Variants in HACE1 observed in about 807,000 individuals in gnomAD.
The protein encoded by HACE1 is E3 ubiquitin-protein ligase HACE1.
In HACE1, 73 loss-of-function variants were observed where a neutral mutation model predicts 118.4. The ratio of observed to expected loss-of-function variants is 0.62; its 90% confidence interval spans 0.51 to 0.75. The LOEUF (loss-of-function observed/expected upper bound fraction) is 0.75. Among genes scored for constraint, HACE1 ranks in the 30% least tolerant of loss-of-function variants. HACE1 has a pLI of 0.00. For missense variants in HACE1, 749 were observed against 1,102.2 expected, an observed-to-expected ratio of 0.68 and a Z score of 4.54; for synonymous variants, 368 against 374.8, an observed-to-expected ratio of 0.98 and a Z score of 0.21.
intron 7 of HACE1, among the ~76,000 whole-genome samples, chr6:104,797,232 T>G (rs899866573): frequency 6.6e-6 from 1 of 152,132 alleles, no homozygotes; most frequent in African/African-American, 2.4e-5. Context: ...CTATTAAATT[T>G]TAGAACTGAA....
At chr6:104,817,549 C>T (rs930972664) in intron 6 of HACE1, among the ~76,000 whole-genome samples, 3 of 152,120 alleles carry the variant, frequency 2.0e-5, no homozygotes, top group African/African-American at 7.2e-5. Context: ...TCATAAATTA[C>T]CCAGCCTCAG....
At chr6:104,826,316 G>A (rs564662219) in intron 6 of HACE1, among the ~76,000 whole-genome samples, 7 of 152,236 alleles carry the variant, frequency 4.6e-5, no homozygotes, top group African/African-American at 1.7e-4. Context: ...AAAAAAACCT[G>A]CCTTCAAGAA....
chr6:104,737,501 C>G (rs967223423), intron 22 of HACE1, among the ~76,000 whole-genome samples: 3 of 152,092 alleles, frequency 2.0e-5, no homozygotes, highest in Non-Finnish European at 4.4e-5. Flanking sequence ...CAGGGCGAGG[C>G]ATTGCCTCAC....
intron 5 of HACE1, among the ~76,000 whole-genome samples, chr6:104,840,546 A>T (rs1359020789): frequency 6.6e-6 from 1 of 152,162 alleles, no homozygotes; most frequent in Non-Finnish European, 1.5e-5. Context: ...TAGCTGAGAG[A>T]GGCCCGTCGC....
intron 1 of HACE1, among the ~76,000 whole-genome samples, chr6:104,856,653 TCA>T (rs1021602073): frequency 1.3e-5 from 2 of 152,148 alleles, no homozygotes; most frequent in Admixed American, 1.3e-4. Context: ...CCAGCTGGTC[TCA>T]CACTCCTGAC....
chr6:104,852,419 G>A, intron 1 of HACE1, 48 bp from the exon 2 acceptor site: 1 of 1,107,304 alleles, frequency 9.0e-7, no homozygotes, highest in Non-Finnish European at 1.4e-6. Flanking sequence ...CTTTGTGCAA[G>A]GGGTGATACT....
At chr6:104,801,414 G>A (rs1770335892) in intron 7 of HACE1, among the ~76,000 whole-genome samples, 1 of 152,094 alleles carries the variant, frequency 6.6e-6, no homozygotes, top group Non-Finnish European at 1.5e-5. Flanking sequence ...ACACATAACT[G>A]TCAGATTTAT....
chr6:104,756,411 CAAAA>C (rs149270056), intron 19 of HACE1, among the ~76,000 whole-genome samples: 62 of 103,438 alleles, frequency 6.0e-4, no homozygotes, highest in African/African-American at 2.2e-3. Flanking sequence ...GATTCCATCT[CAAAA>C]AAAAAAAAAA....
intron 6 of HACE1, among the ~76,000 whole-genome samples, chr6:104,816,682 T>C (rs1772150774): frequency 6.6e-6 from 1 of 152,150 alleles, no homozygotes; most frequent in African/African-American, 2.4e-5. Context: ...CTAGTAGAGC[T>C]GTGAGAAGAG....
intron 20 of HACE1, among the ~76,000 whole-genome samples, chr6:104,748,238 T>C (rs1257825229): frequency 8.1e-6 from 1 of 123,298 alleles, no homozygotes; most frequent in Non-Finnish European, 1.6e-5. Context: ...GTCCTACAAA[T>C]CAGTAAAAAG....
At position 104,767,227 on chromosome 6, in the gene HACE1, T is replaced by C. The variant is rs191349569; in HGVS notation, c.2211+3966A>G. On this transcript the variant is annotated intron_variant, in intron 19 of 23. Coordinates refer to ENST00000262903, the MANE Select transcript of HACE1 (RefSeq NM_020771.4). Reference sequence around the variant, plus strand: ...AAAACAGAATTAATGATAATGAGGTTGATGAAGAGTATGATGGCAACACTA... The same window carrying C: ...AAAACAGAATTAATGATAATGAGGTCGATGAAGAGTATGATGGCAACACTA... Among the ~76,000 whole-genome samples the C allele has an allele frequency of 7.9e-5, 12 of 152,328 alleles. No homozygotes were observed. The East Asian group carries it at 1.7e-3, about 22-fold the overall frequency.
intron 6 of HACE1, among the ~76,000 whole-genome samples, chr6:104,831,992 A>G (rs375527845): frequency 4.3e-3 from 467 of 109,694 alleles, no homozygotes; most frequent in East Asian, 0.014. Flanking sequence ...GGAAGGAAGG[A>G]AGGAAGGAAG....
intron 1 of HACE1, among the ~76,000 whole-genome samples, chr6:104,854,325 G>A (rs1776520906): frequency 6.6e-6 from 1 of 152,132 alleles, no homozygotes; most frequent in Non-Finnish European, 1.5e-5. Context: ...GAAAGCTGGT[G>A]AAATTTTAAC....
chr6:104,755,008 C>T (rs919327017), intron 19 of HACE1, among the ~76,000 whole-genome samples: 1 of 152,022 alleles, frequency 6.6e-6, no homozygotes, highest in Non-Finnish European at 1.5e-5. Context: ...GGATGAAGAG[C>T]CAAGACCCAT....
chr6:104,858,459 G>T (rs2056398145), intron 1 of HACE1: 3 of 383,732 alleles, frequency 7.8e-6, no homozygotes, highest in African/African-American at 2.2e-5. Flanking sequence ...CCAACACTTT[G>T]GGGGGAGCAG....
At chr6:104,804,529 C>T (rs1770778310) in intron 7 of HACE1, among the ~76,000 whole-genome samples, 2 of 152,128 alleles carry the variant, frequency 1.3e-5, no homozygotes, top group South Asian at 2.1e-4. Context: ...ACCAATGGAA[C>T]AGAATAGAGC....
intron 10 of HACE1, 57 bp from the exon 11 acceptor site, chr6:104,791,711 C>A: frequency 3.5e-6 from 4 of 1,156,064 alleles, no homozygotes; most frequent in Non-Finnish European, 3.8e-6. Context: ...TATTAAAATA[C>A]TTATTTTAAA....
chr6:104,850,147 A>G (rs1266901011), intron 3 of HACE1, among the ~76,000 whole-genome samples: 2 of 151,870 alleles, frequency 1.3e-5, no homozygotes, highest in African/African-American at 2.4e-5. Flanking sequence ...ATGGGGTTTC[A>G]CCATGTTGGC....
chr6:104,805,728 A>G (rs1373890608), intron 7 of HACE1, among the ~76,000 whole-genome samples: 1 of 152,164 alleles, frequency 6.6e-6, no homozygotes, highest in East Asian at 1.9e-4. Context: ...TGGGGGAGGG[A>G]TAGCATTAGG....
Sources: allele counts gnomAD v4.1 joint callset (sites outside exome capture counted in the v4.1 genomes callset), GRCh38; gene constraint gnomAD v4.1.1; transcripts MANE v1.5; gene names NCBI Gene and HGNC (gene_info 2026-07-23, HGNC 2026-07-21).